NELL1: variants seen among roughly 807,000 people sequenced by gnomAD.
NELL1 encodes protein kinase C-binding protein NELL1.
Under a neutral mutation model 107.4 loss-of-function variants are expected in NELL1, and 76 were observed. The observed-to-expected ratio is 0.71, with a 90% CI of 0.59 to 0.86. The LOEUF is 0.86. Among genes scored for constraint, NELL1 ranks in the 40% least tolerant of loss-of-function variants. The pLI, the probability that NELL1 is intolerant of heterozygous loss-of-function variation, is 0.00. For missense variants in NELL1, 1,024 were observed against 1,005.5 expected, an observed-to-expected ratio of 1.02 and a Z score of -0.25; for synonymous variants, 353 against 341.2, an observed-to-expected ratio of 1.03 and a Z score of -0.38.
intron 13 of NELL1, among the ~76,000 whole-genome samples, chr11:21,138,362 C>G (rs1855790903): frequency 6.6e-6 from 1 of 152,148 alleles, no homozygotes. Context: ...ATGTTCATTT[C>G]CACAGCAATA....
intron 2 of NELL1, among the ~76,000 whole-genome samples, chr11:20,727,116 A>C (rs1006789736): frequency 8.5e-5 from 13 of 152,190 alleles, no homozygotes; most frequent in African/African-American, 3.1e-4. Context: ...ATACCCAGTA[A>C]TGGGATGGCT....
At chr11:20,721,213 T>TAG (rs1855378191) in intron 2 of NELL1, among the ~76,000 whole-genome samples, 1 of 129,704 alleles carries the variant, frequency 7.7e-6, no homozygotes, top group African/African-American at 3.2e-5. Flanking sequence ...TATATATATT[T>TAG]TGTTTATATA....
At chr11:21,076,467 T>G (rs1213047876) in intron 12 of NELL1, among the ~76,000 whole-genome samples, 2 of 152,250 alleles carry the variant, frequency 1.3e-5, no homozygotes, top group African/African-American at 4.8e-5. Flanking sequence ...TGGCTGAATT[T>G]GGTTAAAGAA....
chr11:20,777,430 G>A (rs79756552), intron 2 of NELL1, among the ~76,000 whole-genome samples: 2,898 of 152,282 alleles, frequency 0.019, 90 homozygotes, highest in African/African-American at 0.065. Context: ...TCCCTTACAC[G>A]TTAACTGGGA....
intron 13 of NELL1, among the ~76,000 whole-genome samples, chr11:21,203,425 C>T (rs1323171348): frequency 7.7e-6 from 1 of 129,364 alleles, no homozygotes; most frequent in Non-Finnish European, 1.6e-5. Flanking sequence ...GAATTGCAAC[C>T]CTTGCTTTTT....
At chr11:21,126,769 A>G (rs1257260833) in intron 13 of NELL1, among the ~76,000 whole-genome samples, 1 of 152,234 alleles carries the variant, frequency 6.6e-6, no homozygotes, top group East Asian at 1.9e-4. Context: ...GGCTGTGTAG[A>G]CAGTGTTCAG....
At chr11:20,889,126 T>C (rs538841112) in intron 5 of NELL1, among the ~76,000 whole-genome samples, 1 of 152,298 alleles carries the variant, frequency 6.6e-6, no homozygotes, top group African/African-American at 2.4e-5. Flanking sequence ...GGGAAGAATT[T>C]TTTTTGGCCA....
rs1015029045 is a variant in NELL1 at position 20,699,369 on chromosome 11, C to CT, written c.184+21318dup. Among the ~76,000 whole-genome samples, 12 of 150,248 alleles carry CT rather than the reference C, an allele frequency of 8.0e-5. 1 individual carries two copies. The highest frequency in any genetic ancestry group is 2.7e-4 in the Admixed American group (4 of 15,024). On this transcript the variant is annotated intron_variant, in intron 2 of 19. Coordinates refer to ENST00000357134, the MANE Select transcript of NELL1 (RefSeq NM_006157.5). The stretch of plus-strand genomic sequence containing the variant: ...TACACCACATTTTCTTTTTCTTTTT[C>CT]TTTTTTTTTGAGATGGAGTCTCGCT...
chr11:21,093,502 T>C (rs1198888596), intron 12 of NELL1, among the ~76,000 whole-genome samples: 4 of 152,172 alleles, frequency 2.6e-5, no homozygotes, highest in African/African-American at 9.7e-5. Context: ...TTGCCTCAGA[T>C]CCTCTCCTGA....
At chr11:20,767,457 G>A (rs942796484) in intron 2 of NELL1, among the ~76,000 whole-genome samples, 7 of 152,172 alleles carry the variant, frequency 4.6e-5, no homozygotes, top group Non-Finnish European at 1.0e-4. Context: ...TGATTGGGAC[G>A]TTTTTACAGA....
chr11:20,678,158 T>A, intron 2 of NELL1, 98 bp downstream of exon 2: 2 of 1,399,174 alleles, frequency 1.4e-6, no homozygotes, highest in Non-Finnish European at 2.0e-6. Context: ...AGATCGCCTT[T>A]GCTATTTCTC....
At chr11:21,344,731 G>A (rs896744784) in intron 14 of NELL1, among the ~76,000 whole-genome samples, 3 of 152,034 alleles carry the variant, frequency 2.0e-5, no homozygotes, top group Non-Finnish European at 4.4e-5. Context: ...GATAGCCAAC[G>A]CATCGGTTTT....
intron 2 of NELL1, among the ~76,000 whole-genome samples, chr11:20,717,858 C>G (rs1031514241): frequency 3.9e-5 from 6 of 152,228 alleles, no homozygotes; most frequent in African/African-American, 1.2e-4. Flanking sequence ...AATCAGTACC[C>G]AGCACAATGT....
intron 12 of NELL1, among the ~76,000 whole-genome samples, chr11:21,062,357 G>A (rs182047762): frequency 1.3e-5 from 2 of 152,212 alleles, no homozygotes; most frequent in East Asian, 3.9e-4. Flanking sequence ...CAGATTTGAG[G>A]CTTATATTTC....
intron 19 of NELL1, among the ~76,000 whole-genome samples, chr11:21,573,903 G>A (rs764314578): frequency 1.3e-5 from 2 of 151,542 alleles, no homozygotes; most frequent in African/African-American, 2.4e-5. Context: ...GTTTTGCTTT[G>A]TTTAATTATC....
chr11:21,350,686 A>G (rs1850788996), intron 14 of NELL1, among the ~76,000 whole-genome samples: 1 of 152,170 alleles, frequency 6.6e-6, no homozygotes, highest in African/African-American at 2.4e-5. Context: ...TATGTGCAGG[A>G]ATTTTGCTTG....
intron 15 of NELL1, among the ~76,000 whole-genome samples, chr11:21,500,673 A>G (rs76234083): frequency 0.015 from 2,310 of 152,218 alleles, 59 homozygotes; most frequent in African/African-American, 0.052. Flanking sequence ...TATCCTTATT[A>G]TTAGCAGTGA....
intron 15 of NELL1, among the ~76,000 whole-genome samples, chr11:21,508,594 T>C (rs1421442282): frequency 1.3e-5 from 2 of 152,178 alleles, no homozygotes; most frequent in Admixed American, 6.5e-5. Flanking sequence ...TAAAAACTTA[T>C]CTGAACAAAT....
chr11:21,420,684 A>G (rs1274251111), intron 15 of NELL1, among the ~76,000 whole-genome samples: 3 of 152,164 alleles, frequency 2.0e-5, no homozygotes, highest in Non-Finnish European at 4.4e-5. Context: ...CTTCCCTGTC[A>G]TCAGAAGACT....
Sources: gnomAD v4.1 joint callset for allele counts (sites outside exome capture counted in the v4.1 genomes callset) on GRCh38, gnomAD v4.1.1 for gene constraint, MANE v1.5 for transcripts, NCBI Gene and HGNC (gene_info 2026-07-23, HGNC 2026-07-21) for gene names.